MCTP2: variants seen among roughly 807,000 people sequenced by gnomAD.
MCTP2 encodes multiple C2 and transmembrane domain-containing protein 2.
A neutral mutation model predicts 111.6 loss-of-function variants in MCTP2; 132 were observed. That is an observed-to-expected ratio of 1.18 (90% confidence interval 1.03 to 1.37). The LOEUF (loss-of-function observed/expected upper bound fraction) is 1.37, where lower values mean the gene tolerates loss of function less well. MCTP2 is among the 40% of genes most tolerant of loss of function. The pLI, the probability that MCTP2 is intolerant of heterozygous loss-of-function variation, is 0.00. For missense variants in MCTP2, 1,183 were observed against 1,067.9 expected, an observed-to-expected ratio of 1.11 and a Z score of -1.50; for synonymous variants, 395 against 387.7, an observed-to-expected ratio of 1.02 and a Z score of -0.22.
intron 8 of MCTP2, among the ~76,000 whole-genome samples, chr15:94,353,356 C>T (rs963030038): frequency 6.6e-6 from 1 of 152,142 alleles, no homozygotes; most frequent in African/African-American, 2.4e-5. Flanking sequence ...TGCTGTTCCG[C>T]CATATGGAAC....
intron 2 of MCTP2, 124 bp from the exon 3 acceptor site, chr15:94,314,158 C>T (rs574019422): frequency 3.2e-6 from 2 of 634,296 alleles, no homozygotes; most frequent in African/African-American, 1.8e-5. Flanking sequence ...AGGAAGGCGG[C>T]CCTCACTGAA....
In MCTP2 at chr15:94,319,332, A is replaced by G. The variant is rs1254608171; in HGVS notation, c.637+3695A>G. 2.6e-5 allele frequency among the ~76,000 whole-genome samples: 4 copies of G among 152,166 alleles called. No homozygotes were observed. The East Asian group carries it at 5.8e-4, about 22-fold the overall frequency. ...TGCCTAGGTACAGCGTCACTTTTCA[A>G]TACAGCATTATTTTCTACAAAACCC... On this transcript the variant is annotated intron_variant, in intron 4 of 22. Transcript: ENST00000357742.
chr15:94,259,029 A>G (rs866979738), intron 1 of MCTP2, among the ~76,000 whole-genome samples: 3 of 152,194 alleles, frequency 2.0e-5, no homozygotes, highest in African/African-American at 7.2e-5. Context: ...AAAAGAACAC[A>G]TTAAGTCAGT....
At chr15:94,454,602 A>G (rs1279144018) in intron 19 of MCTP2, among the ~76,000 whole-genome samples, 1 of 41,066 alleles carries the variant, frequency 2.4e-5, no homozygotes, top group African/African-American at 1.9e-4. Context: ...TCTTTTGTGG[A>G]AAAAAAAAAA....
intron 9 of MCTP2, among the ~76,000 whole-genome samples, chr15:94,356,588 G>A (rs1308418150): frequency 6.6e-6 from 1 of 152,094 alleles, no homozygotes; most frequent in Non-Finnish European, 1.5e-5. Flanking sequence ...AGCAAACTAT[G>A]TTTCATAGAA....
chr15:94,351,928 C>A (rs570233069), intron 8 of MCTP2, among the ~76,000 whole-genome samples: 1 of 152,258 alleles, frequency 6.6e-6, no homozygotes, highest in South Asian at 2.1e-4. Context: ...TGGCCTGGGA[C>A]AGATAAGAGG....
intron 1 of MCTP2, among the ~76,000 whole-genome samples, chr15:94,263,753 C>CT (rs1274833722): frequency 6.6e-6 from 1 of 152,222 alleles, no homozygotes; most frequent in African/African-American, 2.4e-5. Flanking sequence ...CTTCAGCCTC[C>CT]TCTGGGAATA....
At chr15:94,399,882 A>T (rs770685741) in intron 15 of MCTP2, 39 bp from the exon 16 acceptor site, 1 of 1,571,302 alleles carries the variant, frequency 6.4e-7, no homozygotes, top group South Asian at 1.1e-5. Context: ...TGAAGTCCCT[A>T]TACATGCTGC....
intron 17 of MCTP2, among the ~76,000 whole-genome samples, chr15:94,436,738 T>C (rs565513582): frequency 2.0e-4 from 31 of 152,266 alleles, no homozygotes; most frequent in African/African-American, 7.0e-4. Flanking sequence ...TTTTTCTCCA[T>C]AGCTTTATGT....
rs1416019615 is a variant in MCTP2 at position 94,464,261 on chromosome 15, A to T, written c.2360+6015A>T. Among the ~76,000 whole-genome samples, 7 of 43,328 alleles carry T rather than the reference A, an allele frequency of 1.6e-4. 2 individuals carry two copies. Among genetic ancestry groups the T allele is most frequent in the East Asian group, 1.2e-3 (3 of 2,524 alleles). 28.4% of individuals were successfully genotyped at this position (43,328 alleles called of 152,430 possible). ...TATAATATATATATATATATATTATATATATATATATATATATAAACGTCA... is the reference window on the plus strand; with the variant it reads ...TATAATATATATATATATATATTATTTATATATATATATATATAAACGTCA... On this transcript the variant is annotated intron_variant, in intron 20 of 22. Transcript: ENST00000357742.
intron 14 of MCTP2, among the ~76,000 whole-genome samples, chr15:94,387,354 C>G (rs984930391): frequency 6.6e-6 from 1 of 151,858 alleles, no homozygotes; most frequent in Non-Finnish European, 1.5e-5. Context: ...GCCCACATCC[C>G]TGCTGTGACA....
intron 14 of MCTP2, among the ~76,000 whole-genome samples, chr15:94,395,642 T>C (rs2081244357): frequency 6.6e-6 from 1 of 152,202 alleles, no homozygotes; most frequent in African/African-American, 2.4e-5. Context: ...TTTATTTGAC[T>C]CAAAAATTAG....
intron 1 of MCTP2, among the ~76,000 whole-genome samples, chr15:94,257,919 G>A (rs987583379): frequency 3.3e-5 from 5 of 150,642 alleles, no homozygotes; most frequent in Admixed American, 2.0e-4. Context: ...ATGCTCTGCC[G>A]CCCAGGCTGG....
At position 94,464,636 on chromosome 15, in the gene MCTP2, A is replaced by G. The variant is rs74335880; in HGVS notation, c.2361-5697A>G. 3.4e-3 allele frequency among the ~76,000 whole-genome samples: 523 copies of G among 152,044 alleles called. 3 individuals are homozygous for G. Among genetic ancestry groups the G allele is most frequent in the Non-Finnish European group, 5.1e-3 (349 of 67,858 alleles). On this transcript the variant is annotated intron_variant, in intron 20 of 22. Coordinates refer to ENST00000357742, the MANE Select transcript of MCTP2 (RefSeq NM_001385001.1). ...TTTTCAGTCTTTCTTCTTTCTTAAC[A>G]TAAACATTTAAGGCTCTACAATTTC...
chr15:94,401,315 A>G (rs1287958929), intron 16 of MCTP2, among the ~76,000 whole-genome samples: 2 of 152,164 alleles, frequency 1.3e-5, no homozygotes, highest in Admixed American at 1.3e-4. Context: ...CATTCTCTCA[A>G]CACCTTGTAA....
rs2083867767 is a variant in MCTP2, at chr15:94,442,979, GAAC to G, written c.2250+21_2250+23del. ...TGACAAGGTGCGTATGTTCAAGAAA[GAAC>G]ACACACAAAAAAACACTAGTGTTGT... On this transcript the variant is annotated intron_variant, in intron 19 of 22. Coordinates refer to ENST00000357742, the MANE Select transcript of MCTP2 (RefSeq NM_001385001.1). 1 of 1,601,580 alleles carries G rather than the reference GAAC, an allele frequency of 6.2e-7. No homozygotes were observed. Among genetic ancestry groups the G allele is most frequent in the African/African-American group, 1.4e-5 (1 of 73,664 alleles).
chr15:94,388,276 C>T (rs1349598522), intron 14 of MCTP2, among the ~76,000 whole-genome samples: 2 of 152,278 alleles, frequency 1.3e-5, no homozygotes, highest in East Asian at 3.9e-4. Context: ...TCAGGGACTT[C>T]GGGGGACCCT....
In MCTP2 at chr15:94,483,394, A is replaced by C. The variant is rs2074821867; in HGVS notation, c.*4360A>C. 6.6e-6 allele frequency: 1 copy of C among 152,228 alleles called. No individual in the cohort carries two copies. 9.4% of individuals were successfully genotyped at this position (152,228 alleles called of 1,614,324 possible). On this transcript the variant is annotated 3_prime_UTR_variant, in exon 23 of 23. Transcript: ENST00000357742. Reference sequence around the variant, plus strand: ...ATATAAATTGTTCTACTATAAAAACACATGCACACACATGTTCACTGCAAC... The same window carrying C: ...ATATAAATTGTTCTACTATAAAAACCCATGCACACACATGTTCACTGCAAC...
rs530662606 is a variant in MCTP2, at chr15:94,251,319, T to G, written c.-66+19655T>G. Among the ~76,000 whole-genome samples, 100 of 152,206 alleles carry G rather than the reference T, an allele frequency of 6.6e-4. 1 individual carries two copies. The highest frequency in any genetic ancestry group is 1.3e-3 in the Non-Finnish European group (89 of 68,034). ...ATTAATAAATTTTGTCATTTTTATG[T>G]TTTCTTAATCATCCTAAAATACACA... On this transcript the variant is annotated intron_variant, in intron 1 of 22. Coordinates refer to ENST00000357742, the MANE Select transcript of MCTP2 (RefSeq NM_001385001.1).
Sources: allele counts gnomAD v4.1 joint callset (sites outside exome capture counted in the v4.1 genomes callset), GRCh38; gene constraint gnomAD v4.1.1; transcripts MANE v1.5; gene names NCBI Gene and HGNC (gene_info 2026-07-23, HGNC 2026-07-21).